Variants in TAOK3 observed in about 807,000 individuals in gnomAD.
The protein encoded by TAOK3 is TAO kinase 3, also known as serine/threonine-protein kinase TAO3.
In TAOK3, 40 loss-of-function variants were observed where a neutral mutation model predicts 120.4. The observed-to-expected ratio is 0.33, with a 90% CI of 0.26 to 0.43. TAOK3 has a LOEUF of 0.43. Among genes scored for constraint, TAOK3 ranks in the 20% least tolerant of loss-of-function variants. The pLI is 1.00. For synonymous variants in TAOK3, 355 were observed against 387.5 expected (o/e 0.92, Z 0.99); for missense variants, 821 against 1,112.1 (o/e 0.74, Z 3.72).
chr12:118,362,218 G>A (rs2045618988), intron 1 of TAOK3, among the ~76,000 whole-genome samples: 1 of 151,388 alleles, frequency 6.6e-6, no homozygotes, highest in Admixed American at 6.6e-5. Flanking sequence ...TAAAATTTAG[G>A]GGTGTCCAAT....
At chr12:118,285,420 TC>T (rs1468293081) in intron 1 of TAOK3, among the ~76,000 whole-genome samples, 1 of 151,686 alleles carries the variant, frequency 6.6e-6, no homozygotes, top group Non-Finnish European at 1.5e-5. Flanking sequence ...TGGCGTGATC[TC>T]AGCTCACTGC....
intron 9 of TAOK3, among the ~76,000 whole-genome samples, chr12:118,214,544 T>C (rs2038787807): frequency 6.6e-6 from 1 of 150,500 alleles, no homozygotes; most frequent in African/African-American, 2.4e-5. Context: ...CAAAGAAACA[T>C]AGAATAAGGA....
chr12:118,326,879 T>A (rs564641186), intron 1 of TAOK3, among the ~76,000 whole-genome samples: 13 of 152,266 alleles, frequency 8.5e-5, no homozygotes, highest in African/African-American at 3.1e-4. Context: ...CCATTCTGAC[T>A]CTTCAAAGGT....
At chr12:118,293,545 C>T (rs554788135) in intron 1 of TAOK3, among the ~76,000 whole-genome samples, 200 of 151,982 alleles carry the variant, frequency 1.3e-3, no homozygotes, top group Non-Finnish European at 2.0e-3. Flanking sequence ...CGTGGTGGCA[C>T]GCACCTGTAA....
chr12:118,217,488 C>T (rs1000075956), intron 9 of TAOK3, among the ~76,000 whole-genome samples: 1 of 151,878 alleles, frequency 6.6e-6, no homozygotes, highest in South Asian at 2.1e-4. Context: ...GAGTTCAAGA[C>T]CAGCCTGGCC....
intron 7 of TAOK3, among the ~76,000 whole-genome samples, chr12:118,237,699 T>G (rs1166811623): frequency 6.6e-6 from 1 of 152,228 alleles, no homozygotes; most frequent in East Asian, 1.9e-4. Flanking sequence ...AAGACTAGCT[T>G]GTTATTTGTA....
rs575105447 is a variant in TAOK3 at position 118,194,123 on chromosome 12, C to T, written c.1195-4182G>A. On this transcript the variant is annotated intron_variant, in intron 13 of 20. Transcript: ENST00000392533. ...GGAAGTCGTAAAATAGTGACACACA[C>T]ATAAGCACACCTTTACACAGCGGGG... Among the ~76,000 whole-genome samples the T allele has an allele frequency of 2.0e-5, 3 of 152,266 alleles. No homozygotes were observed. The East Asian group carries it at 5.8e-4, about 29-fold the overall frequency.
At chr12:118,339,275 C>CAT (rs1491283045) in intron 1 of TAOK3, among the ~76,000 whole-genome samples, 2 of 86,912 alleles carry the variant, frequency 2.3e-5, no homozygotes, top group Non-Finnish European at 4.1e-5. Flanking sequence ...CTTCATCATA[C>CAT]TTTTTTTTTT....
At chr12:118,327,875 A>T (rs976944297) in intron 1 of TAOK3, among the ~76,000 whole-genome samples, 1 of 152,108 alleles carries the variant, frequency 6.6e-6, no homozygotes, top group African/African-American at 2.4e-5. Flanking sequence ...TATAAAACTG[A>T]CTATAAAGTT....
chr12:118,168,987 TCC>T (rs1277143425), intron 17 of TAOK3, among the ~76,000 whole-genome samples: 92 of 129,448 alleles, frequency 7.1e-4, no homozygotes, highest in East Asian at 2.0e-3. Flanking sequence ...CTTCCTTCCT[TCC>T]TTCCTTCCTT....
chr12:118,152,465 C>T, intron 19 of TAOK3, 56 bp from the exon 20 acceptor site: 1 of 1,525,176 alleles, frequency 6.6e-7, no homozygotes. Context: ...CCCTTGGTGG[C>T]CTACAGCCCT....
intron 1 of TAOK3, among the ~76,000 whole-genome samples, chr12:118,351,761 T>C (rs2045166605): frequency 1.3e-5 from 2 of 152,098 alleles, no homozygotes; most frequent in South Asian, 4.2e-4. Context: ...GAGCCTAACC[T>C]TGTAACACAG....
At chr12:118,328,506 C>A (rs1251608894) in intron 1 of TAOK3, among the ~76,000 whole-genome samples, 1 of 151,984 alleles carries the variant, frequency 6.6e-6, no homozygotes, top group Non-Finnish European at 1.5e-5. Context: ...AATCCTCTAC[C>A]CCAACTTACA....
chr12:118,323,392 G>A (rs532407181), intron 1 of TAOK3, among the ~76,000 whole-genome samples: 1 of 152,124 alleles, frequency 6.6e-6, no homozygotes, highest in Non-Finnish European at 1.5e-5. Context: ...GTAAAAAAAT[G>A]TACACTCATT....
At chr12:118,151,250 G>T in intron 20 of TAOK3, 92 bp from the exon 21 acceptor site, 2 of 1,308,862 alleles carry the variant, frequency 1.5e-6, no homozygotes, top group Non-Finnish European at 2.1e-6. Context: ...CATATGACAT[G>T]CACACACACA....
At chr12:118,176,849 C>T (rs1487513087) in intron 16 of TAOK3, among the ~76,000 whole-genome samples, 1 of 151,998 alleles carries the variant, frequency 6.6e-6, no homozygotes, top group Non-Finnish European at 1.5e-5. Flanking sequence ...TCACTGCAAC[C>T]TCTGCCTCTT....
intron 1 of TAOK3, among the ~76,000 whole-genome samples, chr12:118,297,663 C>T (rs950330454): frequency 1.1e-4 from 17 of 152,110 alleles, no homozygotes; most frequent in African/African-American, 3.6e-4. Context: ...TATATCCCCT[C>T]ATATATCATA....
In TAOK3 at chr12:118,238,179, GAAA is replaced by G. The variant is rs746260785; in HGVS notation, c.341-13_341-11del. The G allele has an allele frequency of 3.2e-5, 40 of 1,246,694 alleles. No individual in the cohort carries two copies. The highest frequency in any genetic ancestry group is 3.3e-5 in the Non-Finnish European group (30 of 917,260). 77.2% of individuals were successfully genotyped at this position (1,246,694 alleles called of 1,614,324 possible). On this transcript the variant is annotated splice_polypyrimidine_tract_variant and intron_variant, in intron 6 of 20. Transcript: ENST00000392533. ...AGTGGTTTTTTATGAACTGAGGAAG[GAAA>G]AAAAAAAAAGTCAGTAGATGATCAG...
At chr12:118,215,029 G>A (rs1475057707) in intron 9 of TAOK3, among the ~76,000 whole-genome samples, 1 of 151,496 alleles carries the variant, frequency 6.6e-6, no homozygotes, top group South Asian at 2.1e-4. Context: ...ACAGGCATGC[G>A]CCACTGCGCC....
Sources: allele counts gnomAD v4.1 joint callset (sites outside exome capture counted in the v4.1 genomes callset), GRCh38; gene constraint gnomAD v4.1.1; transcripts MANE v1.5; gene names NCBI Gene and HGNC (gene_info 2026-07-23, HGNC 2026-07-21).